CWC27: variants seen among roughly 807,000 people sequenced by gnomAD.
CWC27 encodes the protein spliceosome-associated protein CWC27 homolog.
Under a neutral mutation model 63.6 loss-of-function variants are expected in CWC27, and 47 were observed. The ratio of observed to expected loss-of-function variants is 0.74; its 90% CI spans 0.58 to 0.94. The LOEUF is 0.94. CWC27 is among the 40% of genes least tolerant of loss of function. The pLI, the probability that CWC27 is intolerant of heterozygous loss-of-function variation, is 0.00. For synonymous variants in CWC27, 175 were observed against 179.8 expected, an observed-to-expected ratio of 0.97 and a Z score of 0.22; for missense variants, 495 against 554.3, an observed-to-expected ratio of 0.89 and a Z score of 1.07.
Position 64,914,989 on chromosome 5 carries a change from A to G in CWC27, c.1042+29443A>G, listed in dbSNP as rs1747862792. On this transcript the variant is annotated intron_variant, in intron 11 of 13. Transcript: ENST00000381070. ...CATAAAGTTGAGCAAAAGCAGCTAG[A>G]CACCAAAGAATATAAATGATGTGAT... Among the ~76,000 whole-genome samples, 11 of 152,322 alleles carry G rather than the reference A, an allele frequency of 7.2e-5. No individual in the cohort carries two copies. In the South Asian group the frequency reaches 2.3e-3, roughly 32 times the overall value.
intron 11 of CWC27, among the ~76,000 whole-genome samples, chr5:64,927,055 T>C (rs1456228430): frequency 6.6e-6 from 1 of 152,228 alleles, no homozygotes; most frequent in African/African-American, 2.4e-5. Flanking sequence ...AGATTTACCA[T>C]GTGCTATATT....
chr5:64,983,899 T>TG (rs1749372026), intron 13 of CWC27, among the ~76,000 whole-genome samples: 1 of 152,198 alleles, frequency 6.6e-6, no homozygotes, highest in Non-Finnish European at 1.5e-5. Context: ...GACAAGATCT[T>TG]GGCTCACTGC....
chr5:64,823,149 T>C (rs757118204), intron 10 of CWC27, among the ~76,000 whole-genome samples: 69 of 152,220 alleles, frequency 4.5e-4, no homozygotes, highest in Admixed American at 3.3e-4. Context: ...ATTTCAGTGG[T>C]GTTTTGATAA....
intron 10 of CWC27, among the ~76,000 whole-genome samples, chr5:64,885,073 G>A (rs1398005452): frequency 1.3e-5 from 2 of 152,064 alleles, no homozygotes; most frequent in Admixed American, 6.6e-5. Flanking sequence ...AATTTTTTGT[G>A]TATGTCCATG....
rs532163475 is a variant in CWC27, at chr5:64,833,136, A to G, written c.938+28750A>G. Among the ~76,000 whole-genome samples, 5 of 151,930 alleles carry G rather than the reference A, an allele frequency of 3.3e-5. No homozygotes were observed. In the East Asian group the frequency reaches 9.6e-4, roughly 29 times the overall value. On this transcript the variant is annotated intron_variant, in intron 10 of 13. Coordinates refer to ENST00000381070, the MANE Select transcript of CWC27 (RefSeq NM_005869.4). Reference sequence around the variant, plus strand: ...TAACTGGTAGATGGTAAGCCCACGTATTTCCAAATTATTTTGTATTATACA... The same window carrying G: ...TAACTGGTAGATGGTAAGCCCACGTGTTTCCAAATTATTTTGTATTATACA...
At chr5:64,880,500 G>A (rs1390115434) in intron 10 of CWC27, among the ~76,000 whole-genome samples, 1 of 151,950 alleles carries the variant, frequency 6.6e-6, no homozygotes, top group Non-Finnish European at 1.5e-5. Flanking sequence ...CTAGCAAAGT[G>A]AGGTTCCCTT....
rs184310976 is a variant in CWC27, at chr5:64,769,289, A to G, written c.42+101A>G. On this transcript the variant is annotated intron_variant, in intron 1 of 13. Transcript: ENST00000381070. ...GGTTTCAGGATCTCGTGGTAGGAAG[A>G]GACCACGAGAAGTGTTGTCTTTACT... 7.8e-5 allele frequency: 78 copies of G among 994,596 alleles called. No homozygotes were observed. The African/African-American group carries it at 9.1e-4, about 12-fold the overall frequency. 61.6% of individuals were successfully genotyped at this position (994,596 alleles called of 1,614,324 possible). A position where few individuals can be genotyped will look rare whatever the true frequency, so the allele number is the denominator to read the frequency against.
In CWC27 at chr5:64,810,652, A is replaced by G. The variant is rs78415666; in HGVS notation, c.938+6266A>G. 1.5e-3 allele frequency among the ~76,000 whole-genome samples: 226 copies of G among 152,042 alleles called. 1 individual carries two copies. The highest frequency in any genetic ancestry group is 4.9e-3 in the African/African-American group (204 of 41,500). On this transcript the variant is annotated intron_variant, in intron 10 of 13. Transcript: ENST00000381070. ...CTCCTCTAAGTATTTTTTTAATGCT[A>G]TTTACTTTTCTCACATCTAAGAGCA... is the stretch of plus-strand genomic sequence containing the variant.
intron 10 of CWC27, among the ~76,000 whole-genome samples, chr5:64,824,914 A>G (rs1490751762): frequency 2.6e-5 from 4 of 151,444 alleles, no homozygotes; most frequent in Admixed American, 6.6e-5. Context: ...TTCTATTTTT[A>G]GTAGAGGCGG....
At chr5:64,922,706 T>C (rs375584194) in intron 11 of CWC27, among the ~76,000 whole-genome samples, 2 of 152,152 alleles carry the variant, frequency 1.3e-5, no homozygotes, top group African/African-American at 2.4e-5. Flanking sequence ...ACTGTTAGAG[T>C]TCCCAGAGTT....
Position 65,018,620 on chromosome 5 carries a change from T to C in CWC27, c.*299T>C. On this transcript the variant is annotated 3_prime_UTR_variant, in exon 14 of 14. Coordinates refer to ENST00000381070, the MANE Select transcript of CWC27 (RefSeq NM_005869.4). ...GCAGACTGCAAGCCTGTTTGTGTCC[T>C]TTTACCCTAAAATATATGAAGGCTT... 5.6e-6 allele frequency: 1 copy of C among 180,058 alleles called. No homozygotes were observed. The highest frequency in any genetic ancestry group is 1.2e-5 in the Non-Finnish European group (1 of 86,504). 11.2% of individuals were successfully genotyped at this position (180,058 alleles called of 1,614,324 possible). A position where few individuals can be genotyped will look rare whatever the true frequency, so the allele number is the denominator to read the frequency against.
intron 11 of CWC27, among the ~76,000 whole-genome samples, chr5:64,914,031 A>C (rs919716999): frequency 6.6e-6 from 1 of 152,160 alleles, no homozygotes; most frequent in Non-Finnish European, 1.5e-5. Flanking sequence ...AGACCCACAC[A>C]CATAAAAGAT....
At chr5:64,927,005 A>G (rs1374487906) in intron 11 of CWC27, among the ~76,000 whole-genome samples, 1 of 152,230 alleles carries the variant, frequency 6.6e-6, no homozygotes, top group South Asian at 2.1e-4. Context: ...CATTTAATAG[A>G]ATGTGTATAT....
chr5:64,796,084 T>G (rs1308512169), intron 7 of CWC27, among the ~76,000 whole-genome samples: 1 of 150,878 alleles, frequency 6.6e-6, no homozygotes, highest in Non-Finnish European at 1.5e-5. Context: ...GGTTGACCAG[T>G]CAGCAGTGAT....
chr5:64,966,997 T>A (rs1211436991), intron 11 of CWC27, among the ~76,000 whole-genome samples: 3 of 152,130 alleles, frequency 2.0e-5, no homozygotes, highest in Admixed American at 6.5e-5. Context: ...TGCACATATC[T>A]TCTTTTTTTT....
At chr5:64,940,848 T>C (rs1405799991) in intron 11 of CWC27, among the ~76,000 whole-genome samples, 7 of 131,432 alleles carry the variant, frequency 5.3e-5, no homozygotes, top group African/African-American at 1.3e-4. Context: ...CTTTCTTTTT[T>C]TTTTTTTTTT....
At chr5:64,837,606 T>G (rs1348004450) in intron 10 of CWC27, among the ~76,000 whole-genome samples, 1 of 151,942 alleles carries the variant, frequency 6.6e-6, no homozygotes, top group Non-Finnish European at 1.5e-5. Context: ...AATGACTTTG[T>G]CTTAGCAAGA....
At chr5:64,784,077 C>T in intron 4 of CWC27, 98 bp downstream of exon 4, 3 of 1,080,032 alleles carry the variant, frequency 2.8e-6, no homozygotes, top group Non-Finnish European at 3.8e-6. Context: ...CTAAGAGCTA[C>T]CTTTGTAAAA....
intron 10 of CWC27, among the ~76,000 whole-genome samples, chr5:64,821,492 C>T (rs1745196328): frequency 6.6e-6 from 1 of 152,190 alleles, no homozygotes; most frequent in Non-Finnish European, 1.5e-5. Context: ...ATTGTTACTT[C>T]ACACTTCAGC....
Sources: gnomAD v4.1 joint callset for allele counts (sites outside exome capture counted in the v4.1 genomes callset) on GRCh38, gnomAD v4.1.1 for gene constraint, MANE v1.5 for transcripts, NCBI Gene and HGNC (gene_info 2026-07-23, HGNC 2026-07-21) for gene names.